EPB41L3: variants seen among roughly 807,000 people sequenced by gnomAD.
EPB41L3 encodes the protein erythrocyte membrane protein band 4.1 like 3, also known as band 4.1-like protein 3.
A neutral mutation model predicts 127.1 loss-of-function variants in EPB41L3; 57 were observed. The observed-to-expected ratio is 0.45, with a 90% CI of 0.36 to 0.56. The LOEUF is 0.56. Ranked by LOEUF, EPB41L3 falls within the 20% of genes least tolerant of loss-of-function variation. The pLI is 0.00. For synonymous variants in EPB41L3, 572 were observed against 549.5 expected, an observed-to-expected ratio of 1.04 and a Z score of -0.57; for missense variants, 1,273 against 1,372.2, an observed-to-expected ratio of 0.93 and a Z score of 1.14.
intron 16 of EPB41L3, among the ~76,000 whole-genome samples, chr18:5,403,247 G>A (rs1465015373): frequency 1.3e-5 from 2 of 152,082 alleles, no homozygotes; most frequent in Non-Finnish European, 2.9e-5. Flanking sequence ...ATTTTCTAAA[G>A]CAAATGAGAT....
At chr18:5,576,795 T>C (rs2094340480) in intron 3 of EPB41L3, among the ~76,000 whole-genome samples, 1 of 152,244 alleles carries the variant, frequency 6.6e-6, no homozygotes, top group Non-Finnish European at 1.5e-5. Context: ...TATTTCACTA[T>C]ACTTCTGTGT....
intron 1 of EPB41L3, among the ~76,000 whole-genome samples, chr18:5,528,125 G>A (rs1416405916): frequency 6.6e-6 from 1 of 152,116 alleles, no homozygotes; most frequent in Non-Finnish European, 1.5e-5. Flanking sequence ...AGGGAGAGAG[G>A]TGCACATGCA....
In EPB41L3 at chr18:5,433,959, T is replaced by G. The variant is rs142133892; in HGVS notation, c.768A>C (p.Ala256=). ...GSDYISEFRF[A]PNHTKELEDK... ...CTTCCAGTTCTTTAGTGTGGTTTGGTGCAAAGCGGAACTCACTAATGTAAT... is the reference window on the plus strand; with the variant it reads ...CTTCCAGTTCTTTAGTGTGGTTTGGGGCAAAGCGGAACTCACTAATGTAAT... The change falls in exon 7 of 23, where the codon GCA becomes GCC. Residue 256 remains alanine, a synonymous_variant. Coordinates refer to ENST00000341928, the MANE Select transcript of EPB41L3 (RefSeq NM_012307.5). The G allele has an allele frequency of 6.2e-7, 1 of 1,614,204 alleles. No homozygotes were observed.
rs183962367 is a variant in EPB41L3, at chr18:5,407,797, A to C, written c.2122-61T>G. The C allele has an allele frequency of 1.0e-3, 1,539 of 1,523,148 alleles. 2 individuals are homozygous for C. Among genetic ancestry groups the C allele is most frequent in the Non-Finnish European group, 1.2e-3 (1,330 of 1,097,542 alleles). 94.4% of individuals were successfully genotyped at this position (1,523,148 alleles called of 1,614,324 possible). A position where few individuals can be genotyped will look rare whatever the true frequency, so the allele number is the denominator to read the frequency against. On this transcript the variant is annotated intron_variant, in intron 14 of 22. Transcript: ENST00000341928. ...TACATGCAATTTACTCTAAGATTGA[A>C]GAACTATGGTCTACATAGACTTGCT...
At chr18:5,582,527 A>G (rs1033086491) in intron 3 of EPB41L3, among the ~76,000 whole-genome samples, 9 of 152,248 alleles carry the variant, frequency 5.9e-5, no homozygotes, top group Admixed American at 5.2e-4. Flanking sequence ...AATGCTAAAC[A>G]GTATATGTTT....
intron 3 of EPB41L3, among the ~76,000 whole-genome samples, chr18:5,459,774 A>G (rs1470259586): frequency 2.0e-5 from 3 of 152,254 alleles, no homozygotes; most frequent in African/African-American, 7.2e-5. Context: ...TGATGCACAT[A>G]TCAAATGAAT....
chr18:5,617,822 T>C (rs2094815813), intron 1 of EPB41L3, among the ~76,000 whole-genome samples: 1 of 152,188 alleles, frequency 6.6e-6, no homozygotes, highest in South Asian at 2.1e-4. Context: ...AGCCTAACTA[T>C]GAGCAAAACA....
chr18:5,492,113 A>C (rs1598281924), intron 1 of EPB41L3, among the ~76,000 whole-genome samples: 1 of 152,188 alleles, frequency 6.6e-6, no homozygotes, highest in East Asian at 1.9e-4. Context: ...TGAGGTAAGG[A>C]GTTCAGGACC....
chr18:5,577,428 C>T (rs1160972298), intron 3 of EPB41L3: 1 of 420,240 alleles, frequency 2.4e-6, no homozygotes, highest in Non-Finnish European at 4.7e-6. Flanking sequence ...ATTGACTCTC[C>T]GGCTTCTATT....
chr18:5,436,196 C>T (rs141951682), intron 6 of EPB41L3, among the ~76,000 whole-genome samples: 149 of 152,084 alleles, frequency 9.8e-4, no homozygotes, highest in South Asian at 2.5e-3. Context: ...ACAAAGCACA[C>T]CTGGTACCTT....
At chr18:5,558,389 C>A (rs532441897) in intron 3 of EPB41L3, among the ~76,000 whole-genome samples, 2 of 152,184 alleles carry the variant, frequency 1.3e-5, no homozygotes, top group Non-Finnish European at 2.9e-5. Flanking sequence ...TCCCAATTCC[C>A]AGAGGAACAA....
intron 1 of EPB41L3, among the ~76,000 whole-genome samples, chr18:5,623,248 T>A (rs1482376602): frequency 6.6e-6 from 1 of 152,196 alleles, no homozygotes; most frequent in Non-Finnish European, 1.5e-5. Flanking sequence ...TTGTAACATA[T>A]TTGTGTAAAT....
chr18:5,489,125 T>C lies in EPB41L3; in HGVS notation c.59A>G (p.Gln20Arg). ...GCGCCCCTGCGCCCCCGCCGCCTCC[T>C]GGGGCTCGGCCTCCTGGTCCGGCTT... ...ESKPDQEAEP[Q>R]EAAGAQGRAG... Residue 20 changes from glutamine to arginine, a missense_variant, in exon 2 of 23, where the codon CAG becomes CGG. Physicochemically the swap from Gln to Arg is conservative, Grantham distance 43. This residue lies in a region of EPB41L3 where 182 missense variants were observed against 149.2 expected (regional missense o/e 1.22). Coordinates refer to ENST00000341928, the MANE Select transcript of EPB41L3 (RefSeq NM_012307.5). The C allele has an allele frequency of 6.3e-7, 1 of 1,594,890 alleles. No individual in the cohort carries two copies. The highest frequency in any genetic ancestry group is 8.5e-7 in the Non-Finnish European group (1 of 1,174,798).
chr18:5,513,032 T>TG (rs2092604557), intron 1 of EPB41L3, among the ~76,000 whole-genome samples: 1 of 152,174 alleles, frequency 6.6e-6, no homozygotes, highest in South Asian at 2.1e-4. Context: ...GGGCATCTGG[T>TG]GGATGGTATG....
upstream of EPB41L3, chr18:5,544,408 ATT>A: frequency 2.8e-6 from 2 of 716,356 alleles, no homozygotes; most frequent in Non-Finnish European, 3.4e-6. Flanking sequence ...GGACTGCAGT[ATT>A]TTTTTTTTCT....
Position 5,393,395 on chromosome 18 carries a change from T to C in EPB41L3, c.*90A>G, listed in dbSNP as rs199863531. 99 of 669,526 alleles carry C rather than the reference T, an allele frequency of 1.5e-4. No homozygotes were observed. The East Asian group carries it at 2.8e-3, about 19-fold the overall frequency. The allele number at this position is 669,526 out of a possible 1,614,324, so 41.5% of individuals were successfully genotyped here. On this transcript the variant is annotated 3_prime_UTR_variant, in exon 23 of 23. Transcript: ENST00000341928. ...TTTTCCACGGACAGATACAAGTCAG[T>C]TGGGTTAGAAGAGGGAACTCCATAT...
intron 11 of EPB41L3, among the ~76,000 whole-genome samples, chr18:5,422,639 G>A (rs954177783): frequency 4.6e-5 from 7 of 152,100 alleles, no homozygotes; most frequent in Non-Finnish European, 7.4e-5. Context: ...TTGTTACAGC[G>A]GGCACGCCTT....
chr18:5,607,163 T>C (rs1226017538), intron 3 of EPB41L3, among the ~76,000 whole-genome samples: 2 of 152,224 alleles, frequency 1.3e-5, no homozygotes, highest in Non-Finnish European at 2.9e-5. Flanking sequence ...AGAAGCCATG[T>C]GAAGCCACTG....
intron 10 of EPB41L3, among the ~76,000 whole-genome samples, 165 bp downstream of exon 10, chr18:5,424,097 T>C (rs548611243): frequency 1.3e-5 from 2 of 152,178 alleles, no homozygotes; most frequent in Admixed American, 6.5e-5. Flanking sequence ...ATCCTTCAAA[T>C]TTAGTCTTTT....
Sources: gnomAD v4.1 joint callset for allele counts (sites outside exome capture counted in the v4.1 genomes callset) on GRCh38, gnomAD v4.1.1 for gene constraint, gnomAD v4.1.1 regional missense constraint, MANE v1.5 for transcripts, NCBI Gene and HGNC (gene_info 2026-07-23, HGNC 2026-07-21) for gene names.